The following NLRP5 variants were observed in gnomAD, a reference collection of about 807,000 sequenced individuals.
NLRP5 encodes the protein NACHT, LRR and PYD domains-containing protein 5.
A neutral mutation model predicts 113.1 loss-of-function variants in NLRP5; 93 were observed. The observed-to-expected ratio is 0.82, with a 90% confidence interval of 0.70 to 0.98. The LOEUF is 0.98. Among genes scored for constraint, NLRP5 ranks in the 50% least tolerant of loss-of-function variants. The pLI is 0.00. For missense variants in NLRP5, 1,808 were observed against 1,514.3 expected (o/e 1.19, Z -3.22); for synonymous variants, 751 against 600.7 (o/e 1.25, Z -3.66).
rs1315187774 is a variant in NLRP5 at position 56,038,094 on chromosome 19, C to T, written c.2685C>T (p.Ser895=). 6.2e-7 allele frequency: 1 copy of T among 1,613,800 alleles called. No individual in the cohort carries two copies. The highest frequency in any genetic ancestry group is 8.5e-7 in the Non-Finnish European group (1 of 1,179,816). Residue 895 remains serine, a synonymous_variant, in exon 10 of 15, where the codon AGC becomes AGT. Transcript: ENST00000390649. ...CCCAAATCCTTACGACCTCCCCCAGCCTGAAATCTCTGAGCCTGGCAGGAA... is the reference window on the plus strand; with the variant it reads ...CCCAAATCCTTACGACCTCCCCCAGTCTGAAATCTCTGAGCCTGGCAGGAA...
At chr19:56,044,939 T>C (rs306439) in intron 11 of NLRP5, among the ~76,000 whole-genome samples, 24,050 of 152,174 alleles carry the variant, frequency 0.16, 1,963 homozygotes, top group Middle Eastern at 0.22. Context: ...GTTAGGTATA[T>C]TCCCAAGTTG....
chr19:56,056,775 A>G (rs113594954), intron 13 of NLRP5, among the ~76,000 whole-genome samples: 80 of 152,288 alleles, frequency 5.3e-4, no homozygotes, highest in African/African-American at 1.9e-3. Context: ...TAAGCATTCA[A>G]TCTTATCTCA....
chr19:56,028,974 A>G (rs392991), intron 7 of NLRP5, among the ~76,000 whole-genome samples: 54,147 of 151,952 alleles, frequency 0.36, 10,869 homozygotes, highest in South Asian at 0.49. Context: ...CACGTTGGCC[A>G]GGCTGGTCTC....
At chr19:56,039,094 C>G (rs1169147570) in intron 10 of NLRP5, among the ~76,000 whole-genome samples, 1 of 152,120 alleles carries the variant, frequency 6.6e-6, no homozygotes, top group Admixed American at 6.5e-5. Context: ...CCCTCCAACC[C>G]TTCCTCGCTG....
At chr19:56,007,795 A>T (rs543702147) in intron 2 of NLRP5, among the ~76,000 whole-genome samples, 1 of 135,764 alleles carries the variant, frequency 7.4e-6, no homozygotes, top group East Asian at 1.9e-4. Context: ...GAGATAAATA[A>T]AGGTGGCTTG....
At position 55,999,739 on chromosome 19, in the gene NLRP5, G is replaced by A. The variant is rs753935707; in HGVS notation, c.14G>A (p.Gly5Glu). The A allele has an allele frequency of 1.9e-6, 3 of 1,613,086 alleles. No individual in the cohort carries two copies. Among genetic ancestry groups the A allele is most frequent in the Non-Finnish European group, 2.5e-6 (3 of 1,179,140 alleles). The change falls in exon 1 of 15, where the codon GGA becomes GAA. Residue 5 changes from glycine to glutamate, a missense_variant. Physicochemically the swap from Gly to Glu is moderately conservative, Grantham distance 98. Coordinates refer to ENST00000390649, the MANE Select transcript of NLRP5 (RefSeq NM_153447.4). ...GGCGATGTTATCATGAAGGTTGCAGGAGGACTTGAACTTGGAGCTGCTGCT... is the reference window on the plus strand; with the variant it reads ...GGCGATGTTATCATGAAGGTTGCAGAAGGACTTGAACTTGGAGCTGCTGCT...
chr19:55,993,349 C>A, the NLRP5 span, among the ~76,000 whole-genome samples: 1 of 141,360 alleles, frequency 7.1e-6, no homozygotes, highest in East Asian at 2.2e-4. Context: ...TACCTGTAAT[C>A]TTAGCACCCA....
chr19:55,988,442 G>GTATATATATATATATATATATA, the NLRP5 span: 18 of 103,740 alleles, frequency 1.7e-4, no homozygotes, highest in South Asian at 6.2e-4. Context: ...ATATGTGTGT[G>GTATATATATATATATATATATA]TGTATATATA....
intron 6 of NLRP5, among the ~76,000 whole-genome samples, chr19:56,021,176 A>C (rs989482929): frequency 1.3e-5 from 2 of 152,062 alleles, no homozygotes; most frequent in African/African-American, 4.8e-5. Context: ...AGCTGCCTTC[A>C]TGGCATTTAT....
chr19:56,034,918 G>C (rs751860024), intron 9 of NLRP5, among the ~76,000 whole-genome samples: 5 of 152,126 alleles, frequency 3.3e-5, no homozygotes, highest in Non-Finnish European at 7.4e-5. Flanking sequence ...TTGGTTTAGA[G>C]ATACAACTAT....
intron 14 of NLRP5, among the ~76,000 whole-genome samples, chr19:56,059,866 A>C (rs1242496508): frequency 6.6e-6 from 1 of 152,144 alleles, no homozygotes; most frequent in Admixed American, 6.6e-5. Flanking sequence ...TTCTCAGTTG[A>C]GTAACTGTTT....
At chr19:56,056,311 A>G (rs1181807181) in intron 13 of NLRP5, among the ~76,000 whole-genome samples, 1 of 152,104 alleles carries the variant, frequency 6.6e-6, no homozygotes, top group African/African-American at 2.4e-5. Context: ...TCATCCCAGC[A>G]CTATGGGAGG....
chr19:56,045,408 GT>G (rs1003538552), intron 11 of NLRP5, among the ~76,000 whole-genome samples: 8 of 151,550 alleles, frequency 5.3e-5, no homozygotes, highest in African/African-American at 7.3e-5. Context: ...ATTGGAGCTA[GT>G]TTTTTTTTCT....
intron 2 of NLRP5, among the ~76,000 whole-genome samples, chr19:56,007,995 C>T (rs1982012387): frequency 7.1e-6 from 1 of 140,046 alleles, no homozygotes; most frequent in Admixed American, 7.3e-5. Flanking sequence ...GTGGCGCGAT[C>T]TCGGCTCACT....
chr19:56,046,028 T>C (rs541490455), intron 11 of NLRP5, among the ~76,000 whole-genome samples: 7 of 152,332 alleles, frequency 4.6e-5, no homozygotes, highest in African/African-American at 1.4e-4. Context: ...CTCAGTCTTA[T>C]TCCAGTTCTC....
Position 56,027,399 on chromosome 19 carries a change from C to T in NLRP5, c.1166C>T (p.Thr389Ile), listed in dbSNP as rs2123304540. The T allele has an allele frequency of 6.2e-7, 1 of 1,613,522 alleles. No individual in the cohort carries two copies. The highest frequency in any genetic ancestry group is 8.5e-7 in the Non-Finnish European group (1 of 1,179,714). Residue 389 changes from threonine to isoleucine, a missense_variant, in exon 7 of 15, where the codon ACC (threonine) becomes ATC (isoleucine). Physicochemically the swap from Thr to Ile is moderately conservative, Grantham distance 89 (BLOSUM62 -1). Coordinates refer to ENST00000390649, the MANE Select transcript of NLRP5 (RefSeq NM_153447.4). ...TGGGCTGAGAAGCAGCCTCCGTTCA[C>T]CCTCATACGCAGTCTGCTGAGGAAG...
Position 56,040,967 on chromosome 19 carries a change from C to G in NLRP5, c.2832C>G (p.Ala944=), listed in dbSNP as rs750767728. Residue 944 remains alanine, a synonymous_variant, in exon 11 of 15, where the codon GCC becomes GCG. Coordinates refer to ENST00000390649, the MANE Select transcript of NLRP5 (RefSeq NM_153447.4). ...CAGCCACGGGTTGCCAGAGTCTGGC[C>G]TCAGCCCTCGTCAGCAACCGGAGCT... 32 of 1,613,852 alleles carry G rather than the reference C, an allele frequency of 2.0e-5. No homozygotes were observed. Among genetic ancestry groups the G allele is most frequent in the Non-Finnish European group, 2.5e-5 (30 of 1,179,878 alleles).
intron 4 of NLRP5, among the ~76,000 whole-genome samples, chr19:56,016,814 ACAC>A (rs1306372976): frequency 6.6e-6 from 1 of 152,174 alleles, no homozygotes; most frequent in African/African-American, 2.4e-5. Context: ...TTGTGTATAT[ACAC>A]CACATTTTTT....
At chr19:56,029,262 C>T (rs531355309) in intron 7 of NLRP5, among the ~76,000 whole-genome samples, 1 of 152,124 alleles carries the variant, frequency 6.6e-6, no homozygotes, top group Non-Finnish European at 1.5e-5. Context: ...CATTTCAACT[C>T]ATTTGTATTT....
Sources: gnomAD v4.1 joint callset for allele counts (sites outside exome capture counted in the v4.1 genomes callset) on GRCh38, gnomAD v4.1.1 for gene constraint, MANE v1.5 for transcripts, NCBI Gene and HGNC (gene_info 2026-07-23, HGNC 2026-07-21) for gene names.